UNKL: variants seen among roughly 807,000 people sequenced by gnomAD.
UNKL encodes the protein unk like zinc finger.
A neutral mutation model predicts 78.0 loss-of-function variants in UNKL; 60 were observed. That is an observed-to-expected ratio of 0.77 (90% CI 0.63 to 0.95). The LOEUF (loss-of-function observed/expected upper bound fraction) is 0.95, where lower values mean the gene tolerates loss of function less well. Ranked by LOEUF, UNKL falls within the 40% of genes least tolerant of loss-of-function variation. The pLI is 0.00. For synonymous variants in UNKL, 608 were observed against 474.8 expected (o/e 1.28, Z -3.65); for missense variants, 1,159 against 1,045.7 (o/e 1.11, Z -1.49).
intron 2 of UNKL, chr16:1,411,861 T>G (rs2038054242): frequency 6.6e-6 from 1 of 152,218 alleles, no homozygotes; most frequent in Non-Finnish European, 1.5e-5. Context: ...TAATGTACAA[T>G]TAAAAACATT....
chr16:1,390,605 A>C, intron 9 of UNKL, 27 bp downstream of exon 9: 1 of 1,535,512 alleles, frequency 6.5e-7, no homozygotes, highest in Non-Finnish European at 8.7e-7. Flanking sequence ...ATCAGGCACG[A>C]GGGTGGGAAA....
At chr16:1,388,548 C>T (rs1438940076) in intron 9 of UNKL, among the ~76,000 whole-genome samples, 2 of 152,142 alleles carry the variant, frequency 1.3e-5, no homozygotes, top group Admixed American at 6.5e-5. Flanking sequence ...CAGGGTGATG[C>T]GCACACTGTG....
At position 1,392,795 on chromosome 16, in the gene UNKL, G is replaced by T; in HGVS notation, c.1023+96C>A. On this transcript the variant is annotated intron_variant, in intron 8 of 14. Transcript: ENST00000389221. ...GCCACGAACTCCACAGACTGCCCAC[G>T]ACCACATTGCTGAAAACTCATATCC... The T allele has an allele frequency of 2.1e-6, 3 of 1,413,110 alleles. No homozygotes were observed. The South Asian group carries it at 3.7e-5, about 18-fold the overall frequency. 87.5% of individuals were successfully genotyped at this position (1,413,110 alleles called of 1,614,324 possible).
At chr16:1,378,811 C>T (rs951571592) in intron 10 of UNKL, 3 of 152,230 alleles carry the variant, frequency 2.0e-5, no homozygotes, top group South Asian at 2.1e-4. Context: ...GCTCCACCAC[C>T]CCTAGGGTGC....
intron 10 of UNKL, chr16:1,383,562 C>T: frequency 2.8e-6 from 1 of 350,970 alleles, no homozygotes; most frequent in Non-Finnish European, 5.9e-6. Context: ...GATGTGTGGT[C>T]TGTGGCCTAA....
At chr16:1,401,476 A>T (rs1567232903) in intron 4 of UNKL, 92 bp downstream of exon 4, 1 of 1,350,536 alleles carries the variant, frequency 7.4e-7, no homozygotes, top group African/African-American at 1.5e-5. Context: ...TTGCACGTAA[A>T]CTGAAAGGCA....
intron 6 of UNKL, chr16:1,395,751 G>C (rs1323966462): frequency 4.4e-6 from 2 of 456,566 alleles, no homozygotes; most frequent in Non-Finnish European, 4.4e-6. Context: ...ACTGGGGTCT[G>C]CAACCAGGCC....
intron 2 of UNKL, among the ~76,000 whole-genome samples, chr16:1,412,885 G>A (rs944987583): frequency 6.6e-6 from 1 of 152,038 alleles, no homozygotes; most frequent in Non-Finnish European, 1.5e-5. Context: ...CAAGAACCCT[G>A]TCTCTATAGA....
Position 1,399,493 on chromosome 16 carries a change from C to T in UNKL, c.615G>A (p.Leu205=). ...DPRWQDANFV[L]GSYKTEQCPK... ...GGCACTGCTCCGTCTTGTAGCTGCCCAGCACGAAGTTGGCATCTGAAAAAT... is the reference window on the plus strand; with the variant it reads ...GGCACTGCTCCGTCTTGTAGCTGCCTAGCACGAAGTTGGCATCTGAAAAAT... The change falls in exon 5 of 15, where the codon CTG becomes CTA. Residue 205 remains leucine (L), a synonymous_variant. Coordinates refer to ENST00000389221, the MANE Select transcript of UNKL (RefSeq NM_001372107.1). The surrounding 1 kb of genome is among the most constrained non-coding windows in gnomAD (Gnocchi z 5.8). 1 of 1,598,124 alleles carries T rather than the reference C, an allele frequency of 6.3e-7. No individual in the cohort carries two copies. Among genetic ancestry groups the T allele is most frequent in the African/African-American group, 1.3e-5 (1 of 74,574 alleles).
At chr16:1,383,249 G>A (rs570768628) in intron 10 of UNKL, among the ~76,000 whole-genome samples, 2 of 143,156 alleles carry the variant, frequency 1.4e-5, no homozygotes, top group Non-Finnish European at 3.0e-5. Flanking sequence ...TCCAGCCTGG[G>A]CAACAAGAGA....
chr16:1,375,062 G>A (rs1455868036), intron 10 of UNKL, among the ~76,000 whole-genome samples: 1 of 152,178 alleles, frequency 6.6e-6, no homozygotes, highest in Admixed American at 6.5e-5. Flanking sequence ...CGGGGACCAT[G>A]GGAGCAACCA....
rs1045252206 is a variant in UNKL at position 1,376,240 on chromosome 16, A to G, written c.1265-4629T>C. ...GGGCATGCTCCTCCCTCCTCCCTCC[A>G]GGGCTGGGGCGCTCCTCCTCCCTCT... is the stretch of plus-strand genomic sequence containing the variant. On this transcript the variant is annotated intron_variant, in intron 10 of 14. Transcript: ENST00000389221. Among the ~76,000 whole-genome samples the G allele has an allele frequency of 6.3e-5, 8 of 127,490 alleles. No homozygotes were observed. The South Asian group carries it at 1.8e-3, about 29-fold the overall frequency. 83.6% of individuals were successfully genotyped at this position (127,490 alleles called of 152,430 possible).
chr16:1,405,141 G>A (rs1467465264), intron 2 of UNKL, among the ~76,000 whole-genome samples: 1 of 148,012 alleles, frequency 6.8e-6, no homozygotes. Flanking sequence ...GCTGCAGTGA[G>A]TCGTGATTGT....
chr16:1,397,154 G>C (rs1053768857), intron 6 of UNKL, 24 bp downstream of exon 6: 3 of 1,544,014 alleles, frequency 1.9e-6, no homozygotes, highest in Non-Finnish European at 2.6e-6. Context: ...CGACCCCTAC[G>C]CCTGGGGGGT....
At chr16:1,398,764 G>A (rs2037386670) in intron 5 of UNKL, 3 of 1,496,616 alleles carry the variant, frequency 2.0e-6, no homozygotes, top group Non-Finnish European at 2.7e-6. Flanking sequence ...GCTGGAGCAA[G>A]GAGGAGAAAG....
chr16:1,388,920 T>A (rs576932053), intron 9 of UNKL, among the ~76,000 whole-genome samples: 4 of 152,336 alleles, frequency 2.6e-5, no homozygotes, highest in African/African-American at 9.6e-5. Flanking sequence ...ATATAAAATT[T>A]GCTACAGTGG....
intron 10 of UNKL, among the ~76,000 whole-genome samples, chr16:1,384,911 C>T (rs536773697): frequency 6.6e-6 from 1 of 152,310 alleles, no homozygotes; most frequent in South Asian, 2.1e-4. Context: ...CATCTGTCAA[C>T]AACCTCCCCG....
At chr16:1,391,171 AC>A (rs2037031447) in intron 8 of UNKL, among the ~76,000 whole-genome samples, 2 of 147,748 alleles carry the variant, frequency 1.4e-5, no homozygotes, top group Non-Finnish European at 3.0e-5. Context: ...ACACACACAC[AC>A]ACACACACAC....
intron 10 of UNKL, chr16:1,379,009 C>T (rs2036447541): frequency 6.6e-6 from 1 of 152,314 alleles, no homozygotes; most frequent in Non-Finnish European, 1.5e-5. Flanking sequence ...GGCTGGTCAC[C>T]TAAGCGAGTA....
Sources: allele counts gnomAD v4.1 joint callset (sites outside exome capture counted in the v4.1 genomes callset), GRCh38; gene constraint gnomAD v4.1.1; non-coding constraint Gnocchi (gnomAD v3.1); transcripts MANE v1.5; gene names NCBI Gene and HGNC (gene_info 2026-07-23, HGNC 2026-07-21).